Variants in LRP1B observed in about 807,000 individuals in gnomAD.
LRP1B encodes LDL receptor related protein 1B.
A neutral mutation model predicts 556.6 loss-of-function variants in LRP1B; 217 were observed. The observed-to-expected ratio is 0.39, with a 90% confidence interval of 0.35 to 0.44. LRP1B has a LOEUF of 0.44. Among genes scored for constraint, LRP1B ranks in the 20% least tolerant of loss-of-function variants. LRP1B has a pLI of 1.00. For missense variants in LRP1B, 5,053 were observed against 5,620.8 expected (o/e 0.90, Z 3.23); for synonymous variants, 2,047 against 1,865.8 (o/e 1.10, Z -2.50).
At chr2:141,431,931 A>G (rs1451350288) in intron 3 of LRP1B, among the ~76,000 whole-genome samples, 3 of 152,180 alleles carry the variant, frequency 2.0e-5, no homozygotes, top group African/African-American at 7.2e-5. Context: ...ACTTTTTTAA[A>G]TCTGTATGCT....
intron 32 of LRP1B, among the ~76,000 whole-genome samples, chr2:140,783,869 T>C (rs1196187755): frequency 6.6e-6 from 1 of 152,226 alleles, no homozygotes; most frequent in Non-Finnish European, 1.5e-5. Flanking sequence ...GATTACGTGA[T>C]AATCTACATT....
chr2:140,525,353 TAACA>T (rs1021128532), intron 49 of LRP1B, among the ~76,000 whole-genome samples: 23 of 151,916 alleles, frequency 1.5e-4, no homozygotes, highest in African/African-American at 5.6e-4. Context: ...TAAAGATGGT[TAACA>T]GTCAGATATA....
chr2:140,600,651 T>G (rs1283699872), intron 42 of LRP1B, among the ~76,000 whole-genome samples: 1 of 151,910 alleles, frequency 6.6e-6, no homozygotes, highest in Non-Finnish European at 1.5e-5. Context: ...CTCATTTCAT[T>G]TAAAAATAAA....
chr2:141,380,493 A>T (rs1427152672), intron 3 of LRP1B, among the ~76,000 whole-genome samples: 1 of 152,156 alleles, frequency 6.6e-6, no homozygotes, highest in Admixed American at 6.5e-5. Flanking sequence ...TGGATTATAC[A>T]TCTGCCTCCT....
chr2:140,421,816 T>C (rs543826587), intron 66 of LRP1B, among the ~76,000 whole-genome samples: 37 of 152,272 alleles, frequency 2.4e-4, no homozygotes, highest in Non-Finnish European at 5.0e-4. Flanking sequence ...TTATTAAAGG[T>C]TCAAAATCAA....
chr2:141,868,800 C>T (rs1250363830), intron 1 of LRP1B, among the ~76,000 whole-genome samples: 3 of 151,994 alleles, frequency 2.0e-5, no homozygotes, highest in Non-Finnish European at 4.4e-5. Context: ...AAATGGCAGT[C>T]ACCTTTAGAT....
intron 41 of LRP1B, among the ~76,000 whole-genome samples, chr2:140,663,918 G>GT (rs1685180258): frequency 1.3e-5 from 2 of 152,052 alleles, no homozygotes; most frequent in African/African-American, 4.8e-5. Context: ...TTGAACACTT[G>GT]AGACTGCTGT....
intron 3 of LRP1B, among the ~76,000 whole-genome samples, chr2:141,277,962 G>A (rs1053659341): frequency 4.6e-5 from 7 of 152,008 alleles, no homozygotes; most frequent in Non-Finnish European, 8.8e-5. Context: ...GCAATGACAC[G>A]TAAGAATAAT....
intron 2 of LRP1B, among the ~76,000 whole-genome samples, chr2:141,752,700 G>C (rs1694159037): frequency 6.6e-6 from 1 of 151,494 alleles, no homozygotes; most frequent in Admixed American, 6.6e-5. Flanking sequence ...TAAGGAGGGT[G>C]GGGAGGCGAG....
intron 3 of LRP1B, among the ~76,000 whole-genome samples, chr2:141,259,043 C>A (rs1684588408): frequency 6.6e-6 from 1 of 152,144 alleles, no homozygotes. Flanking sequence ...ATGAATACAC[C>A]TTCTCTATCA....
At chr2:141,443,704 G>T (rs1478237003) in intron 3 of LRP1B, among the ~76,000 whole-genome samples, 2 of 152,138 alleles carry the variant, frequency 1.3e-5, no homozygotes, top group African/African-American at 2.4e-5. Flanking sequence ...CCCATTGCTT[G>T]TTTTTGTCAG....
chr2:140,298,079 G>C lies in LRP1B; in HGVS notation c.12806-110C>G, dbSNP rs912541348. ...GAAGCCAGGTTTCTGGTCAAGGTCT[G>C]TCCATGATTTACTCTGTGACTTTAG... On this transcript the variant is annotated intron_variant, in intron 83 of 90. Transcript: ENST00000389484. 10 of 956,118 alleles carry C rather than the reference G, an allele frequency of 1.0e-5. No individual in the cohort carries two copies. In the African/African-American group the frequency reaches 1.7e-4, roughly 16 times the overall value. 59.2% of individuals were successfully genotyped at this position (956,118 alleles called of 1,614,324 possible). A position where few individuals can be genotyped will look rare whatever the true frequency, so the allele number is the denominator to read the frequency against.
At chr2:140,264,740 G>GTGTGTA (rs1558756369) in intron 86 of LRP1B, among the ~76,000 whole-genome samples, 1 of 117,052 alleles carries the variant, frequency 8.5e-6, no homozygotes, top group African/African-American at 4.1e-5. Context: ...GTGTGTGTGT[G>GTGTGTA]TATATAATTT....
intron 2 of LRP1B, among the ~76,000 whole-genome samples, chr2:141,481,327 C>A (rs1162005689): frequency 4.6e-5 from 7 of 152,160 alleles, no homozygotes; most frequent in African/African-American, 1.7e-4. Context: ...ATTCCCAAAT[C>A]CTATCTACAC....
At chr2:140,884,337 T>C (rs1693569581) in intron 24 of LRP1B, among the ~76,000 whole-genome samples, 3 of 152,144 alleles carry the variant, frequency 2.0e-5, no homozygotes, top group Admixed American at 2.0e-4. Context: ...GACTTTTTTA[T>C]ACAGAGCAAA....
chr2:141,720,608 C>T (rs1040524450), intron 2 of LRP1B, among the ~76,000 whole-genome samples: 1 of 152,014 alleles, frequency 6.6e-6, no homozygotes, highest in Non-Finnish European at 1.5e-5. Context: ...TAATTCTAAT[C>T]ACATGTAAAT....
intron 86 of LRP1B, among the ~76,000 whole-genome samples, chr2:140,263,821 C>T (rs1275743783): frequency 1.1e-4 from 13 of 122,516 alleles, no homozygotes; most frequent in African/African-American, 1.4e-4. Context: ...TTTTTTTTCA[C>T]GTGTCCCTCA....
At chr2:141,135,613 CT>C (rs1295291183) in intron 7 of LRP1B, among the ~76,000 whole-genome samples, 2 of 151,880 alleles carry the variant, frequency 1.3e-5, no homozygotes, top group African/African-American at 4.8e-5. Flanking sequence ...AATGAATTTC[CT>C]TTATAAAACT....
At chr2:141,517,262 G>A (rs6748875) in intron 2 of LRP1B, among the ~76,000 whole-genome samples, 145,696 of 149,894 alleles carry the variant, frequency 0.97, 70,937 homozygotes, top group East Asian at 1. Flanking sequence ...ACAAGAATAC[G>A]CACACACACA....
Sources: gnomAD v4.1 joint callset for allele counts (sites outside exome capture counted in the v4.1 genomes callset) on GRCh38, gnomAD v4.1.1 for gene constraint, MANE v1.5 for transcripts, NCBI Gene and HGNC (gene_info 2026-07-23, HGNC 2026-07-21) for gene names.